The following TRPM7 variants were observed in gnomAD, a reference collection of about 807,000 sequenced individuals.
TRPM7 encodes the protein LTRPC ion channel family member 7.
Under a neutral mutation model 229.7 loss-of-function variants are expected in TRPM7, and 134 were observed. The ratio of observed to expected loss-of-function variants is 0.58; its 90% confidence interval spans 0.51 to 0.67. The LOEUF (loss-of-function observed/expected upper bound fraction) is 0.67, where lower values mean the gene tolerates loss of function less well. TRPM7 is among the 30% of genes least tolerant of loss of function. The probability of loss-of-function intolerance (pLI) is 0.00; values close to 1 mark genes in which losing one functional copy is unlikely to be tolerated. For synonymous variants in TRPM7, 699 were observed against 715.2 expected (o/e 0.98, Z 0.36); for missense variants, 1,901 against 2,210.0 (o/e 0.86, Z 2.80).
chr15:50,664,043 T>A (rs924938400), intron 1 of TRPM7, among the ~76,000 whole-genome samples: 2 of 152,168 alleles, frequency 1.3e-5, no homozygotes, highest in South Asian at 4.1e-4. Context: ...CTCACACGTA[T>A]AATCCCAACA....
chr15:50,660,997 CAG>C (rs1169818137), intron 2 of TRPM7, among the ~76,000 whole-genome samples: 2 of 146,790 alleles, frequency 1.4e-5, no homozygotes, highest in African/African-American at 2.5e-5. Context: ...TTTTTTGAGA[CAG>C]AGTTTCACTC....
chr15:50,655,441 A>AC (rs2061535617), intron 3 of TRPM7, among the ~76,000 whole-genome samples: 1 of 149,076 alleles, frequency 6.7e-6, no homozygotes, highest in Non-Finnish European at 1.5e-5. Flanking sequence ...TCAAAGGAAA[A>AC]AAAAAACAAA....
rs369451609 is a variant in TRPM7 at position 50,594,451 on chromosome 15, T to C, written c.3453A>G (p.Lys1151=). The part of the protein sequence containing the change: ...LFCCICKRRK[K]DKTSDGPKLF... ...TACTTGGTCCATCGGAAGTCTTATC[T>C]TTCTTTCTTCTCTTACATATGCAGC... The change falls in exon 24 of 39, where the codon AAA becomes AAG. Residue 1151 remains lysine, a synonymous_variant. Transcript: ENST00000646667. 2 of 1,611,348 alleles carry C rather than the reference T, an allele frequency of 1.2e-6. No homozygotes were observed. The highest frequency in any genetic ancestry group is 1.7e-6 in the Non-Finnish European group (2 of 1,179,254).
At chr15:50,583,021 T>A (rs2054497715) in intron 29 of TRPM7, 68 bp downstream of exon 29, 1 of 1,191,328 alleles carries the variant, frequency 8.4e-7, no homozygotes, top group African/African-American at 1.6e-5. Context: ...ATCACCACTT[T>A]GTAGATCTTA....
At chr15:50,583,411 G>A (rs1234008828) in intron 28 of TRPM7, among the ~76,000 whole-genome samples, 1 of 151,970 alleles carries the variant, frequency 6.6e-6, no homozygotes, top group Non-Finnish European at 1.5e-5. Context: ...TCCCCCTCCT[G>A]TTCCCAATCA....
At chr15:50,624,399 C>T in intron 11 of TRPM7, 99 bp from the exon 12 acceptor site, 1 of 1,082,586 alleles carries the variant, frequency 9.2e-7, no homozygotes, top group Non-Finnish European at 1.3e-6. Context: ...AATTTGTTCC[C>T]AACAGTTTTA....
intron 2 of TRPM7, among the ~76,000 whole-genome samples, chr15:50,662,575 C>T (rs77582538): frequency 0.014 from 2,117 of 152,162 alleles, 47 homozygotes; most frequent in African/African-American, 0.049. Flanking sequence ...TTGCTTTCTT[C>T]GACATGAACC....
intron 36 of TRPM7, among the ~76,000 whole-genome samples, chr15:50,571,024 C>G (rs999554015): frequency 2.6e-5 from 4 of 152,070 alleles, no homozygotes; most frequent in Non-Finnish European, 5.9e-5. Context: ...ATGATTAAAT[C>G]CTTCCAGTCT....
At chr15:50,678,645 A>G (rs1210679595) in intron 1 of TRPM7, among the ~76,000 whole-genome samples, 1 of 151,854 alleles carries the variant, frequency 6.6e-6, no homozygotes, top group East Asian at 1.9e-4. Flanking sequence ...GATATTACTG[A>G]CATTTTAGAT....
At chr15:50,626,343 C>T (rs1268252643) in intron 11 of TRPM7, among the ~76,000 whole-genome samples, 1 of 151,826 alleles carries the variant, frequency 6.6e-6, no homozygotes, top group African/African-American at 2.4e-5. Flanking sequence ...GTTTTTAAAA[C>T]AAGAACATTC....
At chr15:50,618,829 T>C (rs2060306778) in intron 13 of TRPM7, among the ~76,000 whole-genome samples, 1 of 152,030 alleles carries the variant, frequency 6.6e-6, no homozygotes, top group African/African-American at 2.4e-5. Flanking sequence ...TCTATGTCCA[T>C]AGGTACCCAT....
chr15:50,641,924 C>T (rs1336269518), intron 5 of TRPM7, among the ~76,000 whole-genome samples: 1 of 151,004 alleles, frequency 6.6e-6, no homozygotes, highest in Non-Finnish European at 1.5e-5. Context: ...CACTTGAACC[C>T]GGGAGGTGGA....
Position 50,605,082 on chromosome 15 carries a change from G to A in TRPM7, c.2772C>T (p.Phe924=). The A allele has an allele frequency of 6.2e-7, 1 of 1,613,386 alleles. No homozygotes were observed. Among genetic ancestry groups the A allele is most frequent in the South Asian group, 1.1e-5 (1 of 91,026 alleles). The change falls in exon 21 of 39, where the codon TTC becomes TTT. Residue 924 remains phenylalanine, a synonymous_variant. Transcript: ENST00000646667. ...TTATGGCAATTGTATCACTGATGTT[G>A]AAGTAATCACTAAACCATACTTTAA... ...QKIKVWFSDY[F]NISDTIAIIS... is the part of the protein sequence containing the mutation.
chr15:50,593,655 A>G lies in TRPM7; in HGVS notation c.3570T>C (p.His1190=), dbSNP rs2059560982. ...MYFNEKDDKF[H]SGSEERIRVT... ...CACGAATTCTCTCTTCACTCCCAGA[A>G]TGAAATTTGTCATCTTTTTCATTGA... Residue 1190 remains histidine, a synonymous_variant, in exon 25 of 39, where the codon CAT becomes CAC. Coordinates refer to ENST00000646667, the MANE Select transcript of TRPM7 (RefSeq NM_017672.6). 1 of 1,612,026 alleles carries G rather than the reference A, an allele frequency of 6.2e-7. No homozygotes were observed. Among genetic ancestry groups the G allele is most frequent in the African/African-American group, 1.3e-5 (1 of 74,916 alleles).
intron 3 of TRPM7, among the ~76,000 whole-genome samples, chr15:50,654,227 CCT>C (rs1165095849): frequency 0.016 from 2,377 of 148,986 alleles, 48 homozygotes; most frequent in Non-Finnish European, 0.024. Context: ...GGGCGGATCA[CCT>C]GAGGTCAGGA....
At chr15:50,652,801 G>C (rs1021757239) in intron 3 of TRPM7, among the ~76,000 whole-genome samples, 4 of 152,026 alleles carry the variant, frequency 2.6e-5, no homozygotes, top group South Asian at 2.1e-4. Context: ...AGGAGTTCTA[G>C]ATCAGCTTGG....
intron 24 of TRPM7, 44 bp from the exon 25 acceptor site, chr15:50,593,793 G>A (rs951427542): frequency 2.6e-6 from 4 of 1,561,384 alleles, no homozygotes; most frequent in Non-Finnish European, 3.5e-6. Flanking sequence ...GAGCTATCAA[G>A]GTTTCAACTT....
At chr15:50,605,867 T>C (rs955643550) in intron 20 of TRPM7, among the ~76,000 whole-genome samples, 1 of 152,120 alleles carries the variant, frequency 6.6e-6, no homozygotes, top group African/African-American at 2.4e-5. Context: ...ATATGGATCA[T>C]AACACTCAGA....
chr15:50,563,280 C>A lies in TRPM7; in HGVS notation c.5468-1472G>T, dbSNP rs546944654. Among the ~76,000 whole-genome samples, 5 of 152,312 alleles carry A rather than the reference C, an allele frequency of 3.3e-5. No homozygotes were observed. The East Asian group carries it at 7.7e-4, about 23-fold the overall frequency. Reference sequence around the variant, plus strand: ...AAAGCCTAAAATATTTGCTACCTTGCCCTTTACAGAAGTTTGCTGATCTTC... The same window carrying A: ...AAAGCCTAAAATATTTGCTACCTTGACCTTTACAGAAGTTTGCTGATCTTC... On this transcript the variant is annotated intron_variant, in intron 38 of 38. Coordinates refer to ENST00000646667, the MANE Select transcript of TRPM7 (RefSeq NM_017672.6).
Sources: allele counts gnomAD v4.1 joint callset (sites outside exome capture counted in the v4.1 genomes callset), GRCh38; gene constraint gnomAD v4.1.1; transcripts MANE v1.5; gene names NCBI Gene and HGNC (gene_info 2026-07-23, HGNC 2026-07-21).